GRID2: variants seen among roughly 807,000 people sequenced by gnomAD.
The protein encoded by GRID2 is glutamate receptor ionotropic, delta-2.
In GRID2, 33 loss-of-function variants were observed where a neutral mutation model predicts 114.8. The ratio of observed to expected loss-of-function variants is 0.29; its 90% CI spans 0.22 to 0.38. The LOEUF is 0.38. Ranked by LOEUF, GRID2 falls within the 10% of genes least tolerant of loss-of-function variation. GRID2 has a pLI of 1.00. For missense variants in GRID2, 1,184 were observed against 1,257.7 expected, an observed-to-expected ratio of 0.94 and a Z score of 0.89; for synonymous variants, 505 against 449.9, an observed-to-expected ratio of 1.12 and a Z score of -1.55.
chr4:93,752,217 A>G (rs188883994), intron 14 of GRID2, among the ~76,000 whole-genome samples: 26 of 152,264 alleles, frequency 1.7e-4, no homozygotes, highest in Non-Finnish European at 3.4e-4. Flanking sequence ...TTGCATATAC[A>G]ATACAATTTA....
chr4:92,837,536 ATT>A (rs1242315137), intron 2 of GRID2, among the ~76,000 whole-genome samples: 1 of 151,920 alleles, frequency 6.6e-6, no homozygotes, highest in East Asian at 1.9e-4. Flanking sequence ...TTGAAAAAAT[ATT>A]CAGTGGTTAA....
rs150823808 is a variant in GRID2 at position 92,349,490 on chromosome 4, G to A, written c.88+44746G>A. 4.0e-3 allele frequency among the ~76,000 whole-genome samples: 613 copies of A among 151,718 alleles called. 3 individuals carry two copies. Among genetic ancestry groups the A allele is most frequent in the African/African-American group, 0.013 (522 of 41,508 alleles). On this transcript the variant is annotated intron_variant, in intron 1 of 15. Coordinates refer to ENST00000282020, the MANE Select transcript of GRID2 (RefSeq NM_001510.4). The stretch of plus-strand genomic sequence containing the variant: ...AAATTAATTAAACTAATATATAAAT[G>A]TGAGTAAAGGGGAGATGATTGATAT...
chr4:92,797,958 C>T (rs1004784184), intron 2 of GRID2, among the ~76,000 whole-genome samples: 13 of 151,944 alleles, frequency 8.6e-5, no homozygotes, highest in Admixed American at 8.5e-4. Flanking sequence ...AAAGTTTTTA[C>T]TGCCTTAAAA....
rs184711690 is a variant in GRID2, at chr4:92,941,919, C to G, written c.245-143076C>G. The stretch of plus-strand genomic sequence containing the variant: ...CATCCTGAGTTCTAGTTTGATTGCA[C>G]TGTGGTCTGAGAGACAGTTTGTTAT... On this transcript the variant is annotated intron_variant, in intron 2 of 15. Coordinates refer to ENST00000282020, the MANE Select transcript of GRID2 (RefSeq NM_001510.4). 2.8e-3 allele frequency among the ~76,000 whole-genome samples: 426 copies of G among 152,260 alleles called. 1 individual carries two copies. Among genetic ancestry groups the G allele is most frequent in the Non-Finnish European group, 4.7e-3 (320 of 68,024 alleles).
chr4:92,870,241 A>G (rs1001921027), intron 2 of GRID2, among the ~76,000 whole-genome samples: 19 of 151,392 alleles, frequency 1.3e-4, no homozygotes, highest in African/African-American at 4.6e-4. Context: ...TAAACTATAT[A>G]TATAATATAT....
At chr4:92,623,730 A>C (rs1730384293) in intron 2 of GRID2, among the ~76,000 whole-genome samples, 1 of 151,752 alleles carries the variant, frequency 6.6e-6, no homozygotes, top group Non-Finnish European at 1.5e-5. Flanking sequence ...CACCGCTAAC[A>C]CCCACAGTCA....
intron 1 of GRID2, among the ~76,000 whole-genome samples, chr4:92,525,858 T>C (rs1725014169): frequency 6.6e-6 from 1 of 152,064 alleles, no homozygotes; most frequent in Admixed American, 6.6e-5. Flanking sequence ...GAGAGAGGAA[T>C]TGTAGAGCAG....
intron 13 of GRID2, 45 bp downstream of exon 13, chr4:93,515,456 C>A: frequency 2.4e-6 from 3 of 1,264,364 alleles, no homozygotes; most frequent in Non-Finnish European, 1.1e-6. Flanking sequence ...CATTTTGTGT[C>A]CCATGCTGGA....
chr4:93,228,467 A>G (rs1402350934), intron 7 of GRID2, among the ~76,000 whole-genome samples: 1 of 152,154 alleles, frequency 6.6e-6, no homozygotes, highest in East Asian at 1.9e-4. Context: ...GCATTTCAAG[A>G]TGAGTTTTGG....
At position 92,340,003 on chromosome 4, in the gene GRID2, C is replaced by T. The variant is rs1043327595; in HGVS notation, c.88+35259C>T. ...AGTTTAAGAATGGTTGTGGCATTTT[C>T]TTGAAAACTGGGAAAAAATATTGTA... On this transcript the variant is annotated intron_variant, in intron 1 of 15. Transcript: ENST00000282020. 7.2e-5 allele frequency among the ~76,000 whole-genome samples: 11 copies of T among 152,106 alleles called. No individual in the cohort carries two copies. The East Asian group carries it at 1.7e-3, about 24-fold the overall frequency.
intron 1 of GRID2, among the ~76,000 whole-genome samples, chr4:92,384,127 A>ATG (rs1197109350): frequency 1.3e-5 from 2 of 150,780 alleles, no homozygotes; most frequent in South Asian, 4.2e-4. Flanking sequence ...GTGTGTGTAT[A>ATG]TGTGTGTGTA....
chr4:93,324,566 G>T (rs1757619082), intron 8 of GRID2, among the ~76,000 whole-genome samples: 1 of 152,110 alleles, frequency 6.6e-6, no homozygotes, highest in Admixed American at 6.6e-5. Context: ...GAGTTAGGGA[G>T]GATTCCCTCT....
Position 93,231,168 on chromosome 4 carries a change from T to C in GRID2, c.1125+6393T>C, listed in dbSNP as rs138655007. Among the ~76,000 whole-genome samples the C allele has an allele frequency of 5.3e-3, 811 of 152,186 alleles. 8 individuals carry two copies. The highest frequency in any genetic ancestry group is 0.017 in the Middle Eastern group (5 of 292). The stretch of plus-strand genomic sequence containing the variant: ...ACCTTCTTGGAATAGTGCCATGTCA[T>C]TGCAACACGAGTAGCCTGTTTTTAT... On this transcript the variant is annotated intron_variant, in intron 7 of 15. Transcript: ENST00000282020.
chr4:93,634,314 A>C (rs1721216677), intron 14 of GRID2, among the ~76,000 whole-genome samples: 1 of 152,170 alleles, frequency 6.6e-6, no homozygotes, highest in Non-Finnish European at 1.5e-5. Context: ...AGAGATTCAC[A>C]TAAATAAAAA....
intron 4 of GRID2, among the ~76,000 whole-genome samples, chr4:93,205,843 C>T (rs62310360): frequency 3.2e-4 from 49 of 152,120 alleles, no homozygotes; most frequent in South Asian, 1.9e-3. Context: ...TTTTAATGAT[C>T]GCCATTCTAA....
At chr4:92,712,694 T>G (rs112774744) in intron 2 of GRID2, among the ~76,000 whole-genome samples, 1 of 152,168 alleles carries the variant, frequency 6.6e-6, no homozygotes, top group African/African-American at 2.4e-5. Flanking sequence ...ATTCTCTTAT[T>G]TAATATGTTA....
At chr4:93,307,047 T>C (rs923458584) in intron 8 of GRID2, among the ~76,000 whole-genome samples, 1 of 151,708 alleles carries the variant, frequency 6.6e-6, no homozygotes. Flanking sequence ...AATACAAAAA[T>C]TAGCTGGGCA....
intron 1 of GRID2, among the ~76,000 whole-genome samples, chr4:92,456,425 G>C (rs1400948582): frequency 1.3e-5 from 2 of 152,050 alleles, no homozygotes; most frequent in African/African-American, 4.8e-5. Flanking sequence ...TATTTTAAAA[G>C]TAAGACTTGA....
intron 2 of GRID2, among the ~76,000 whole-genome samples, chr4:93,082,812 T>C (rs951662383): frequency 2.6e-5 from 4 of 152,154 alleles, no homozygotes; most frequent in Non-Finnish European, 5.9e-5. Flanking sequence ...TAACTGGTTT[T>C]AGTATCTGCT....
Sources: gnomAD v4.1 joint callset for allele counts (sites outside exome capture counted in the v4.1 genomes callset) on GRCh38, gnomAD v4.1.1 for gene constraint, MANE v1.5 for transcripts, NCBI Gene and HGNC (gene_info 2026-07-23, HGNC 2026-07-21) for gene names.